Variants in LDB2 observed in about 807,000 individuals in gnomAD.
LDB2 encodes LIM domain-binding protein 2.
In LDB2, 12 loss-of-function variants were observed where a neutral mutation model predicts 44.3. That is an observed-to-expected ratio of 0.27 (90% CI 0.17 to 0.44). The LOEUF (loss-of-function observed/expected upper bound fraction) is 0.44, where lower values mean the gene tolerates loss of function less well. Ranked by LOEUF, LDB2 falls within the 20% of genes least tolerant of loss-of-function variation. LDB2 has a pLI of 1.00. For synonymous variants in LDB2, 164 were observed against 174.8 expected, an observed-to-expected ratio of 0.94 and a Z score of 0.49; for missense variants, 344 against 473.5, an observed-to-expected ratio of 0.73 and a Z score of 2.54.
chr4:16,764,875 C>T (rs540190101), intron 1 of LDB2, among the ~76,000 whole-genome samples: 1 of 152,298 alleles, frequency 6.6e-6, no homozygotes, highest in African/African-American at 2.4e-5. Flanking sequence ...TGAAGGATCC[C>T]ATAGAGCAGC....
chr4:16,891,109 G>C (rs1246434400), intron 1 of LDB2, among the ~76,000 whole-genome samples: 2 of 151,342 alleles, frequency 1.3e-5, no homozygotes, highest in African/African-American at 4.9e-5. Context: ...CAAAAAATGA[G>C]ATAGCTTTTA....
chr4:16,652,811 C>T (rs574621325), intron 2 of LDB2, among the ~76,000 whole-genome samples: 1 of 152,134 alleles, frequency 6.6e-6, no homozygotes, highest in African/African-American at 2.4e-5. Context: ...GCAGCTCCCC[C>T]GAGGACAGGA....
intron 1 of LDB2, among the ~76,000 whole-genome samples, chr4:16,770,369 A>G (rs1770391262): frequency 6.6e-6 from 1 of 152,212 alleles, no homozygotes; most frequent in African/African-American, 2.4e-5. Flanking sequence ...GAAAACCAGC[A>G]CTTTTAATTT....
intron 1 of LDB2, among the ~76,000 whole-genome samples, chr4:16,818,646 G>T (rs767145816): frequency 6.6e-6 from 1 of 152,170 alleles, no homozygotes; most frequent in Non-Finnish European, 1.5e-5. Context: ...GGCTTGTTAC[G>T]ATGAGGGTTT....
chr4:16,609,180 G>A (rs1724862550), intron 2 of LDB2, among the ~76,000 whole-genome samples: 1 of 152,076 alleles, frequency 6.6e-6, no homozygotes, highest in African/African-American at 2.4e-5. Flanking sequence ...CAAGGGAGAT[G>A]GTAAATGAGC....
intron 1 of LDB2, among the ~76,000 whole-genome samples, chr4:16,785,541 T>C (rs1043785883): frequency 6.6e-6 from 1 of 152,164 alleles, no homozygotes; most frequent in Non-Finnish European, 1.5e-5. Context: ...GTGGCTGCAA[T>C]GGCCGGGCAG....
chr4:16,587,523 G>A (rs1717422199), intron 4 of LDB2, among the ~76,000 whole-genome samples: 2 of 152,156 alleles, frequency 1.3e-5, no homozygotes, highest in South Asian at 4.1e-4. Flanking sequence ...CTCAAAGAGA[G>A]TGGAGAATGT....
chr4:16,664,228 C>T (rs1180928228), intron 2 of LDB2, among the ~76,000 whole-genome samples: 1 of 152,130 alleles, frequency 6.6e-6, no homozygotes, highest in African/African-American at 2.4e-5. Flanking sequence ...GCTGCATTGC[C>T]TCTTCCACCA....
intron 5 of LDB2, among the ~76,000 whole-genome samples, chr4:16,547,839 TACTC>T (rs1429248012): frequency 2.0e-5 from 3 of 152,194 alleles, no homozygotes; most frequent in African/African-American, 7.2e-5. Context: ...CCAATAATAA[TACTC>T]ACAAAGGGCT....
intron 2 of LDB2, among the ~76,000 whole-genome samples, chr4:16,704,024 A>G (rs1053417240): frequency 6.6e-6 from 1 of 152,138 alleles, no homozygotes; most frequent in Non-Finnish European, 1.5e-5. Flanking sequence ...CTTTTCCCCA[A>G]CTGGGTGACC....
intron 5 of LDB2, among the ~76,000 whole-genome samples, chr4:16,515,388 G>A (rs1723263642): frequency 1.3e-5 from 2 of 152,186 alleles, no homozygotes. Flanking sequence ...ACATGCATGT[G>A]TCACAAACCT....
chr4:16,548,803 A>G (rs1736659988), intron 5 of LDB2, among the ~76,000 whole-genome samples: 1 of 152,216 alleles, frequency 6.6e-6, no homozygotes, highest in Non-Finnish European at 1.5e-5. Context: ...ACAACACCCT[A>G]CAGTCTGCTG....
chr4:16,848,918 G>A (rs1423582545), intron 1 of LDB2, among the ~76,000 whole-genome samples: 2 of 152,078 alleles, frequency 1.3e-5, no homozygotes, highest in African/African-American at 2.4e-5. Context: ...CTCTCTGCAT[G>A]GCCGCCTGAA....
intron 1 of LDB2, among the ~76,000 whole-genome samples, chr4:16,871,889 T>C (rs1486203163): frequency 1.3e-5 from 2 of 152,300 alleles, no homozygotes; most frequent in Admixed American, 6.5e-5. Flanking sequence ...CCCAAAGTGC[T>C]GGGATTACAG....
intron 5 of LDB2, among the ~76,000 whole-genome samples, chr4:16,534,578 A>T (rs560512441): frequency 6.6e-6 from 1 of 152,364 alleles, no homozygotes; most frequent in Non-Finnish European, 1.5e-5. Context: ...GTAGCTTAAA[A>T]GGGCTTCTGC....
At chr4:16,587,570 A>C (rs929983700) in intron 4 of LDB2, among the ~76,000 whole-genome samples, 1 of 149,004 alleles carries the variant, frequency 6.7e-6, no homozygotes, top group African/African-American at 2.5e-5. Flanking sequence ...TGGAGCATAA[A>C]CAGCCAGAAA....
At position 16,613,002 on chromosome 4, in the gene LDB2, C is replaced by T. The variant is rs147671353; in HGVS notation, c.236-17127G>A. Among the ~76,000 whole-genome samples, 596 of 152,248 alleles carry T rather than the reference C, an allele frequency of 3.9e-3. 1 individual carries two copies. Among genetic ancestry groups the T allele is most frequent in the African/African-American group, 0.014 (566 of 41,548 alleles). ...AGCAGCACATTGAAAACCTTATCCA[C>T]TACAATCAAGTCGGCTTCATCCCTG... is the stretch of plus-strand genomic sequence containing the variant. On this transcript the variant is annotated intron_variant, in intron 2 of 7. Transcript: ENST00000304523.
intron 2 of LDB2, among the ~76,000 whole-genome samples, chr4:16,733,097 C>A (rs915248364): frequency 6.6e-6 from 1 of 152,140 alleles, no homozygotes; most frequent in African/African-American, 2.4e-5. Context: ...GAACAAGCTC[C>A]GCACTCAGGC....
At chr4:16,512,975 C>A (rs1722366838) in intron 5 of LDB2, among the ~76,000 whole-genome samples, 2 of 152,178 alleles carry the variant, frequency 1.3e-5, no homozygotes, top group South Asian at 4.1e-4. Flanking sequence ...AGGACAGAGA[C>A]CACAATTTGG....
Sources: allele counts gnomAD v4.1 joint callset (sites outside exome capture counted in the v4.1 genomes callset), GRCh38; gene constraint gnomAD v4.1.1; transcripts MANE v1.5; gene names NCBI Gene and HGNC (gene_info 2026-07-23, HGNC 2026-07-21).